INSL6: variants seen among roughly 807,000 people sequenced by gnomAD.
INSL6 encodes insulin-like peptide INSL6.
Under a neutral mutation model 9.4 loss-of-function variants are expected in INSL6, and 16 were observed. That is an observed-to-expected ratio of 1.70 (90% CI 1.15 to 2.59). The LOEUF is 2.59. INSL6 is among the 30% of genes most tolerant of loss of function. The pLI is 0.00. For missense variants in INSL6, 391 were observed against 257.3 expected, an observed-to-expected ratio of 1.52 and a Z score of -3.56; for synonymous variants, 154 against 96.9, an observed-to-expected ratio of 1.59 and a Z score of -3.46.
intron 2 of INSL6, among the ~76,000 whole-genome samples, chr9:5,157,505 T>C (rs1422246766): frequency 1.3e-5 from 2 of 152,082 alleles, no homozygotes; most frequent in Non-Finnish European, 2.9e-5. Context: ...TTGCTGGAAC[T>C]ACCAGTTAGG....
chr9:5,091,820 A>C, the INSL6 span, among the ~76,000 whole-genome samples: 1 of 152,130 alleles, frequency 6.6e-6, no homozygotes, highest in African/African-American at 2.4e-5. Flanking sequence ...GAGAAGTTAA[A>C]TGTCTATAAT....
chr9:5,101,702 G>GGCTGTTCTGCAATATTT, the INSL6 span, among the ~76,000 whole-genome samples: 1 of 152,186 alleles, frequency 6.6e-6, no homozygotes, highest in African/African-American at 2.4e-5. Context: ...CAGCAACATT[G>GGCTGTTCTGCAATATTT]GCTGTTCTGC....
chr9:5,095,489 A>G, the INSL6 span, among the ~76,000 whole-genome samples: 1 of 152,016 alleles, frequency 6.6e-6, no homozygotes, highest in Non-Finnish European at 1.5e-5. Flanking sequence ...ACAATAATAA[A>G]CACTACTAAT....
At chr9:5,009,496 A>G in the INSL6 span, among the ~76,000 whole-genome samples, 10 of 150,912 alleles carry the variant, frequency 6.6e-5, no homozygotes, top group East Asian at 1.8e-3. Flanking sequence ...TAATCTAGTG[A>G]TGCTTTATGT....
intron 2 of INSL6, among the ~76,000 whole-genome samples, chr9:5,145,887 T>C (rs2381195): frequency 0.63 from 96,360 of 151,994 alleles, 32,665 homozygotes; most frequent in African/African-American, 0.89. Context: ...TGGGTTACAA[T>C]ATACTCCTGT....
chr9:5,086,152 G>C, the INSL6 span: 10 of 365,050 alleles, frequency 2.7e-5, no homozygotes, highest in Non-Finnish European at 4.0e-5. Context: ...CGCAAGGCTC[G>C]GGGAGCGGTC....
the INSL6 span, among the ~76,000 whole-genome samples, chr9:5,058,327 C>T: frequency 6.6e-6 from 1 of 152,122 alleles, no homozygotes; most frequent in Non-Finnish European, 1.5e-5. Context: ...AAAATCATGG[C>T]AGAAGGTGAA....
the INSL6 span, among the ~76,000 whole-genome samples, chr9:5,033,198 A>C: frequency 1.3e-5 from 2 of 152,188 alleles, no homozygotes; most frequent in Non-Finnish European, 2.9e-5. Flanking sequence ...TTTAGAGAAA[A>C]AGGAATAAAA....
intron 3 of INSL6, chr9:5,127,922 C>CAAGA (rs1356787541): frequency 4.3e-6 from 1 of 232,076 alleles, no homozygotes; most frequent in Non-Finnish European, 8.5e-6. Flanking sequence ...TAATTTTATT[C>CAAGA]AAGAATGCCA....
chr9:5,069,808 AATTAGGAG>A, the INSL6 span: 2 of 504,822 alleles, frequency 4.0e-6, no homozygotes, highest in Non-Finnish European at 3.3e-6. Context: ...AAAAAAGAAC[AATTAGGAG>A]TTATTAAGCA....
downstream of INSL6, among the ~76,000 whole-genome samples, chr9:5,121,705 C>T (rs1331471213): frequency 6.6e-6 from 1 of 152,146 alleles, no homozygotes; most frequent in Non-Finnish European, 1.5e-5. Flanking sequence ...TACAAGTTTT[C>T]TGAATGCTCT....
chr9:5,168,032 C>A (rs2130909054), intron 1 of INSL6, among the ~76,000 whole-genome samples: 1 of 152,250 alleles, frequency 6.6e-6, no homozygotes, highest in East Asian at 1.9e-4. Context: ...GCAACAACAA[C>A]AACATAAACA....
At chr9:5,006,771 A>G in the INSL6 span, among the ~76,000 whole-genome samples, 2 of 152,214 alleles carry the variant, frequency 1.3e-5, no homozygotes, top group East Asian at 3.8e-4. Context: ...CTCCTCTAAC[A>G]CTGAAGATCA....
the INSL6 span, among the ~76,000 whole-genome samples, chr9:5,025,025 C>G: frequency 0.011 from 1,645 of 152,202 alleles, 29 homozygotes; most frequent in African/African-American, 0.038. Flanking sequence ...TGCTGCACAA[C>G]TTTCCTGCCA....
chr9:5,015,068 C>A, the INSL6 span, among the ~76,000 whole-genome samples: 1 of 152,100 alleles, frequency 6.6e-6, no homozygotes, highest in Non-Finnish European at 1.5e-5. Context: ...GCTTTTGCAA[C>A]ATTGTATTTT....
At chr9:5,084,114 A>T in the INSL6 span, among the ~76,000 whole-genome samples, 19 of 152,304 alleles carry the variant, frequency 1.2e-4, no homozygotes, top group African/African-American at 4.3e-4. Context: ...TCTTTTAAAC[A>T]TAAGTAAATT....
chr9:5,109,919 C>G, the INSL6 span: 3 of 152,176 alleles, frequency 2.0e-5, no homozygotes, highest in Admixed American at 6.5e-5. Flanking sequence ...TCATGTCTTT[C>G]TTACTAACTG....
chr9:5,161,621 C>T (rs1481327320), downstream of INSL6, among the ~76,000 whole-genome samples: 1 of 152,002 alleles, frequency 6.6e-6, no homozygotes, highest in Non-Finnish European at 1.5e-5. Flanking sequence ...AAAGGACAAC[C>T]GAATTGGAAA....
chr9:5,126,471 G>A (rs1046772124), intron 3 of INSL6: 10 of 1,456,958 alleles, frequency 6.9e-6, no homozygotes, highest in Non-Finnish European at 9.6e-6. Context: ...TTAATCCAGG[G>A]TAGTCATGCA....
Sources: gnomAD v4.1 joint callset for allele counts (sites outside exome capture counted in the v4.1 genomes callset) on GRCh38, gnomAD v4.1.1 for gene constraint, MANE v1.5 for transcripts, NCBI Gene and HGNC (gene_info 2026-07-23, HGNC 2026-07-21) for gene names.